FER: variants seen among roughly 807,000 people sequenced by gnomAD.
FER encodes the protein tyrosine-protein kinase Fer.
Under a neutral mutation model 111.0 loss-of-function variants are expected in FER, and 63 were observed. The observed-to-expected ratio is 0.57, with a 90% CI of 0.46 to 0.70. FER has a LOEUF of 0.70. Ranked by LOEUF, FER falls within the 30% of genes least tolerant of loss-of-function variation. FER has a pLI of 0.00. For synonymous variants in FER, 327 were observed against 313.9 expected (o/e 1.04, Z -0.44); for missense variants, 914 against 954.0 (o/e 0.96, Z 0.55).
At chr5:108,751,719 C>A (rs551345808) in intron 1 of FER, among the ~76,000 whole-genome samples, 200 of 152,094 alleles carry the variant, frequency 1.3e-3, no homozygotes, top group African/African-American at 4.3e-3. Context: ...TGGAGACTGA[C>A]GTAATTAGAG....
chr5:108,749,502 G>C (rs568031248), intron 1 of FER, among the ~76,000 whole-genome samples: 5 of 152,224 alleles, frequency 3.3e-5, no homozygotes, highest in Non-Finnish European at 5.9e-5. Context: ...GTCCCGCTAC[G>C]GGGGCATTCT....
At chr5:109,169,008 A>G (rs1756829402) in intron 17 of FER, among the ~76,000 whole-genome samples, 1 of 152,228 alleles carries the variant, frequency 6.6e-6, no homozygotes, top group Non-Finnish European at 1.5e-5. Flanking sequence ...AGCAAATTTC[A>G]TTAAGAGACC....
Position 108,883,403 on chromosome 5 carries a change from A to G in FER, c.931A>G (p.Thr311Ala). Residue 311 changes from threonine (T) to alanine (A), a missense_variant, in exon 9 of 20, where the codon ACG becomes GCG. Coordinates refer to ENST00000281092, the MANE Select transcript of FER (RefSeq NM_005246.4). ...TAESLQVMLK[T>A]LAEELMQTQQ... ...GGATACTGTTTATTCTAGGTTGAAA[A>G]CGTTAGCGGAAGAACTTATGCAAAC... 1 of 1,603,490 alleles carries G rather than the reference A, an allele frequency of 6.2e-7. No individual in the cohort carries two copies. The highest frequency in any genetic ancestry group is 8.5e-7 in the Non-Finnish European group (1 of 1,174,566).
intron 13 of FER, among the ~76,000 whole-genome samples, chr5:108,974,096 CA>C (rs1206206065): frequency 1.1e-4 from 17 of 152,122 alleles, no homozygotes; most frequent in African/African-American, 3.6e-4. Flanking sequence ...CTTGAGTTAA[CA>C]TTCAATAAAT....
In FER at chr5:109,189,870, G is replaced by A. The variant is rs574262475; in HGVS notation, c.*2295G>A. ...GATATTTCACTTATCCAGGCTGTTA[G>A]AATTTGCAGTTCACATCATTACTCT... On this transcript the variant is annotated 3_prime_UTR_variant, in exon 20 of 20. Coordinates refer to ENST00000281092, the MANE Select transcript of FER (RefSeq NM_005246.4). 1 of 152,154 alleles carries A rather than the reference G, an allele frequency of 6.6e-6. No homozygotes were observed. Among genetic ancestry groups the A allele is most frequent in the East Asian group, 1.9e-4 (1 of 5,192 alleles). 9.4% of individuals were successfully genotyped at this position (152,154 alleles called of 1,614,324 possible). A position where few individuals can be genotyped will look rare whatever the true frequency, so the allele number is the denominator to read the frequency against.
At chr5:109,084,076 T>C (rs1777289274) in intron 16 of FER, among the ~76,000 whole-genome samples, 1 of 152,060 alleles carries the variant, frequency 6.6e-6, no homozygotes. Flanking sequence ...TTTACAGTCA[T>C]GTTACTTCCA....
At chr5:108,959,704 G>A (rs1210782427) in intron 13 of FER, among the ~76,000 whole-genome samples, 1 of 151,948 alleles carries the variant, frequency 6.6e-6, no homozygotes, top group Non-Finnish European at 1.5e-5. Context: ...ATGTCTAGCA[G>A]TTAGGAATAA....
chr5:108,846,615 C>T (rs1378557512), intron 5 of FER, among the ~76,000 whole-genome samples: 2 of 151,854 alleles, frequency 1.3e-5, no homozygotes, highest in African/African-American at 4.8e-5. Context: ...GACAGTCTTG[C>T]TCTGTCACCC....
chr5:108,888,549 T>C (rs951647704), intron 9 of FER, among the ~76,000 whole-genome samples: 1 of 151,826 alleles, frequency 6.6e-6, no homozygotes, highest in Non-Finnish European at 1.5e-5. Context: ...AAATAGCACA[T>C]GCAAGGGTTC....
chr5:108,811,554 G>C (rs1362692260), intron 3 of FER, among the ~76,000 whole-genome samples: 3 of 152,194 alleles, frequency 2.0e-5, no homozygotes, highest in Non-Finnish European at 2.9e-5. Flanking sequence ...TGACAGTAAA[G>C]TGAAGATGGT....
intron 16 of FER, among the ~76,000 whole-genome samples, chr5:109,063,164 G>A (rs796564459): frequency 7.9e-5 from 12 of 152,002 alleles, no homozygotes; most frequent in East Asian, 7.7e-4. Context: ...GTCAAAATTC[G>A]TTTTCTTTTA....
intron 3 of FER, among the ~76,000 whole-genome samples, chr5:108,822,292 C>T (rs1580723344): frequency 6.6e-6 from 1 of 152,168 alleles, no homozygotes; most frequent in East Asian, 1.9e-4. Flanking sequence ...GTTCCTATAT[C>T]TTGCCTATTA....
chr5:109,073,741 G>A (rs1480520084), intron 16 of FER, among the ~76,000 whole-genome samples: 1 of 151,764 alleles, frequency 6.6e-6, no homozygotes, highest in African/African-American at 2.4e-5. Flanking sequence ...GTTCTGCAGT[G>A]GGCCCTGCAG....
chr5:108,866,329 A>G (rs10062204), intron 5 of FER, among the ~76,000 whole-genome samples: 62,713 of 151,972 alleles, frequency 0.41, 14,422 homozygotes, highest in African/African-American at 0.62. Context: ...GCAGACTGTC[A>G]CAAGGACAAA....
chr5:108,816,160 A>G (rs572187626), intron 3 of FER, among the ~76,000 whole-genome samples: 37 of 152,220 alleles, frequency 2.4e-4, no homozygotes, highest in African/African-American at 7.9e-4. Context: ...CACAATTGAC[A>G]TATTAGGAAC....
chr5:108,854,378 T>G (rs528900118), intron 5 of FER, among the ~76,000 whole-genome samples: 1 of 152,218 alleles, frequency 6.6e-6, no homozygotes, highest in Admixed American at 6.5e-5. Context: ...CCAACAAAAT[T>G]CACAAAAATG....
At chr5:108,964,385 A>G (rs1408261260) in intron 13 of FER, among the ~76,000 whole-genome samples, 3 of 152,298 alleles carry the variant, frequency 2.0e-5, no homozygotes, top group African/African-American at 7.2e-5. Flanking sequence ...ATAAAGGGGT[A>G]ATGGTGAAAG....
At chr5:108,776,756 T>A (rs945005424) in intron 2 of FER, among the ~76,000 whole-genome samples, 1 of 152,198 alleles carries the variant, frequency 6.6e-6, no homozygotes, top group African/African-American at 2.4e-5. Flanking sequence ...GTATTTATGG[T>A]GAATTGAAAA....
chr5:108,989,722 T>C (rs570122607), intron 13 of FER, among the ~76,000 whole-genome samples: 91 of 152,122 alleles, frequency 6.0e-4, no homozygotes, highest in Non-Finnish European at 1.1e-3. Flanking sequence ...ATGATTAGTA[T>C]TAGCTTTGAA....
Sources: allele counts gnomAD v4.1 joint callset (sites outside exome capture counted in the v4.1 genomes callset), GRCh38; gene constraint gnomAD v4.1.1; transcripts MANE v1.5; gene names NCBI Gene and HGNC (gene_info 2026-07-23, HGNC 2026-07-21).